The following NEGR1 variants were observed in gnomAD, a reference collection of about 807,000 sequenced individuals.
NEGR1 encodes the protein IgLON family member 4.
A neutral mutation model predicts 40.9 loss-of-function variants in NEGR1; 10 were observed. The ratio of observed to expected loss-of-function variants is 0.24; its 90% CI spans 0.15 to 0.42. The LOEUF is 0.42. Among genes scored for constraint, NEGR1 ranks in the 10% least tolerant of loss-of-function variants. NEGR1 has a pLI of 1.00. For synonymous variants in NEGR1, 185 were observed against 166.8 expected (o/e 1.11, Z -0.84); for missense variants, 352 against 438.9 (o/e 0.80, Z 1.77).
chr1:71,632,078 G>A (rs1650987489), intron 4 of NEGR1, among the ~76,000 whole-genome samples: 2 of 151,644 alleles, frequency 1.3e-5, no homozygotes, highest in African/African-American at 4.8e-5. Flanking sequence ...GGAAGGTATG[G>A]CATATAACAA....
At chr1:72,086,024 A>T (rs1020217551) in intron 1 of NEGR1, among the ~76,000 whole-genome samples, 11 of 151,376 alleles carry the variant, frequency 7.3e-5, no homozygotes, top group Admixed American at 5.9e-4. Flanking sequence ...TCTGATCAAG[A>T]GCCTACACCT....
intron 1 of NEGR1, among the ~76,000 whole-genome samples, chr1:72,015,912 T>C (rs1220373924): frequency 6.6e-6 from 1 of 152,090 alleles, no homozygotes; most frequent in East Asian, 1.9e-4. Flanking sequence ...CCACTAAAGA[T>C]ACCTAATCAG....
chr1:71,569,370 GA>G (rs1648739871), intron 6 of NEGR1, among the ~76,000 whole-genome samples: 1 of 152,174 alleles, frequency 6.6e-6, no homozygotes, highest in Non-Finnish European at 1.5e-5. Context: ...AGGAGGGGTT[GA>G]AAGAATGGGA....
At chr1:71,620,122 C>T (rs142551846) in intron 4 of NEGR1, among the ~76,000 whole-genome samples, 34 of 151,996 alleles carry the variant, frequency 2.2e-4, no homozygotes, top group Admixed American at 1.2e-3. Context: ...ATTATGAACA[C>T]GCCATGTTAA....
At chr1:72,275,416 T>C (rs1480547391) in intron 1 of NEGR1, among the ~76,000 whole-genome samples, 1 of 151,958 alleles carries the variant, frequency 6.6e-6, no homozygotes, top group African/African-American at 2.4e-5. Flanking sequence ...CAAAATAAAA[T>C]GTGAACCAAT....
chr1:72,152,551 C>T (rs1223826431), intron 1 of NEGR1, among the ~76,000 whole-genome samples: 2 of 152,088 alleles, frequency 1.3e-5, no homozygotes, highest in East Asian at 1.9e-4. Context: ...TTGTCCACCA[C>T]TGTGGAAAGC....
intron 2 of NEGR1, among the ~76,000 whole-genome samples, chr1:71,836,700 G>A: frequency 6.6e-6 from 1 of 151,858 alleles, no homozygotes; most frequent in East Asian, 1.9e-4. Context: ...ATTTTTGCCA[G>A]CATTTTATGT....
intron 2 of NEGR1, among the ~76,000 whole-genome samples, chr1:71,849,711 C>T (rs780900124): frequency 3.9e-5 from 6 of 152,044 alleles, no homozygotes; most frequent in Non-Finnish European, 8.8e-5. Flanking sequence ...TAAGAAATTG[C>T]CACAGTCACC....
At chr1:71,665,719 C>T (rs1016776122) in intron 4 of NEGR1, among the ~76,000 whole-genome samples, 9 of 152,120 alleles carry the variant, frequency 5.9e-5, no homozygotes, top group Admixed American at 3.3e-4. Flanking sequence ...TCTTTTCATA[C>T]AGTGGAGCGC....
At chr1:71,682,161 A>G (rs1231161412) in intron 4 of NEGR1, among the ~76,000 whole-genome samples, 1 of 151,886 alleles carries the variant, frequency 6.6e-6, no homozygotes, top group Non-Finnish European at 1.5e-5. Context: ...CCATCTTCCA[A>G]TTTGTTAATC....
intron 5 of NEGR1, 41 bp downstream of exon 5, chr1:71,610,985 T>C: frequency 6.3e-7 from 1 of 1,590,818 alleles, no homozygotes; most frequent in Non-Finnish European, 8.6e-7. Context: ...GCACGTTAGC[T>C]CAAAGTGCTT....
At chr1:71,543,046 T>C (rs979101063) in intron 6 of NEGR1, among the ~76,000 whole-genome samples, 3 of 151,776 alleles carry the variant, frequency 2.0e-5, no homozygotes, top group Non-Finnish European at 2.9e-5. Flanking sequence ...CTTTTGCTTA[T>C]GTAGTTCCTG....
chr1:71,949,125 C>A (rs2100268619), intron 1 of NEGR1, among the ~76,000 whole-genome samples: 1 of 152,214 alleles, frequency 6.6e-6, no homozygotes, highest in Non-Finnish European at 1.5e-5. Context: ...AATTTAGGGA[C>A]TAAATTTTTC....
At chr1:71,747,300 T>A (rs1243549512) in intron 3 of NEGR1, among the ~76,000 whole-genome samples, 1 of 152,134 alleles carries the variant, frequency 6.6e-6, no homozygotes, top group Non-Finnish European at 1.5e-5. Flanking sequence ...TGCAGAACAG[T>A]CAATCTTCTT....
At chr1:71,434,762 A>T (rs1023223235) in intron 6 of NEGR1, among the ~76,000 whole-genome samples, 3 of 152,196 alleles carry the variant, frequency 2.0e-5, no homozygotes, top group African/African-American at 7.2e-5. Context: ...AAGACAAATA[A>T]TCCAGTGTAA....
intron 6 of NEGR1, among the ~76,000 whole-genome samples, chr1:71,523,507 CA>C (rs2101433579): frequency 6.6e-6 from 1 of 151,940 alleles, no homozygotes; most frequent in African/African-American, 2.4e-5. Context: ...AAACAAAGCA[CA>C]AAACAGCCTT....
chr1:72,242,643 A>G (rs1654783423), intron 1 of NEGR1, among the ~76,000 whole-genome samples: 1 of 151,694 alleles, frequency 6.6e-6, no homozygotes, highest in African/African-American at 2.4e-5. Context: ...TATATTAATA[A>G]TAATTGCTAA....
Position 72,282,487 on chromosome 1 carries a change from A to T in NEGR1, c.8T>A (p.Met3Lys). 6.2e-7 allele frequency: 1 copy of T among 1,609,150 alleles called. No homozygotes were observed. The highest frequency in any genetic ancestry group is 8.5e-7 in the Non-Finnish European group (1 of 1,179,164). MD[M>K]MLLVQGACCS... ...ACAAGCACCCTGCACCAACAGCATC[A>T]TGTCCATCCCTGCTAGGGCTGCTCA... is the stretch of plus-strand genomic sequence containing the variant. Residue 3 changes from methionine (M) to lysine (K), a missense_variant, in exon 1 of 7, where the codon ATG (methionine) becomes AAG (lysine). Around this residue, in one of 5 missense-constraint regions of NEGR1, gnomAD observed 81 missense variants for 85.8 expected, o/e 0.94. Coordinates refer to ENST00000357731, the MANE Select transcript of NEGR1 (RefSeq NM_173808.3).
chr1:72,101,114 T>G (rs1400170284), intron 1 of NEGR1, among the ~76,000 whole-genome samples: 2 of 152,168 alleles, frequency 1.3e-5, no homozygotes, highest in Non-Finnish European at 2.9e-5. Flanking sequence ...GGGGACGTAT[T>G]GCAGTCCACA....
Sources: allele counts gnomAD v4.1 joint callset (sites outside exome capture counted in the v4.1 genomes callset), GRCh38; gene constraint gnomAD v4.1.1; regional missense constraint gnomAD v4.1.1; transcripts MANE v1.5; gene names NCBI Gene and HGNC (gene_info 2026-07-23, HGNC 2026-07-21).